RALGAPA2: variants seen among roughly 807,000 people sequenced by gnomAD.
RALGAPA2 encodes the protein Ral GTPase activating protein catalytic subunit alpha 2, also known as ral GTPase-activating protein subunit alpha-2.
A neutral mutation model predicts 230.4 loss-of-function variants in RALGAPA2; 139 were observed. The ratio of observed to expected loss-of-function variants is 0.60; its 90% CI spans 0.53 to 0.69. The LOEUF (loss-of-function observed/expected upper bound fraction) is 0.69. Among genes scored for constraint, RALGAPA2 ranks in the 30% least tolerant of loss-of-function variants. The pLI is 0.00. For missense variants in RALGAPA2, 2,163 were observed against 2,276.0 expected (o/e 0.95, Z 1.01); for synonymous variants, 847 against 837.8 (o/e 1.01, Z -0.19).
chr20:20,390,128 T>C lies in RALGAPA2; in HGVS notation c.*3161A>G, dbSNP rs573871246. The C allele has an allele frequency of 6.6e-6, 1 of 152,302 alleles. No homozygotes were observed. Among genetic ancestry groups the C allele is most frequent in the African/African-American group, 2.4e-5 (1 of 41,558 alleles). The allele number at this position is 152,302 out of a possible 1,614,324, so 9.4% of individuals were successfully genotyped here. A position where few individuals can be genotyped will look rare whatever the true frequency, so the allele number is the denominator to read the frequency against. On this transcript the variant is annotated 3_prime_UTR_variant, in exon 40 of 40. Transcript: ENST00000202677. ...TTAAAGGATTCATCAGACCTCCACA[T>C]GACACCGATACAGCAGGTCCATGGG...
At chr20:20,690,517 C>A (rs2068863302) in intron 1 of RALGAPA2, among the ~76,000 whole-genome samples, 1 of 152,148 alleles carries the variant, frequency 6.6e-6, no homozygotes, top group South Asian at 2.1e-4. Flanking sequence ...CTGACTGTCA[C>A]CCCCACACAG....
Position 20,503,392 on chromosome 20 carries a change from T to C in RALGAPA2, c.5167A>G (p.Thr1723Ala). 1.2e-6 allele frequency: 2 copies of C among 1,603,668 alleles called. No individual in the cohort carries two copies. Among genetic ancestry groups the C allele is most frequent in the South Asian group, 1.1e-5 (1 of 90,186 alleles). ...TCATCTGAGTCTGACGGCATTCGAG[T>C]GGAAACATGGAAAATCACTTCCACA... ...STVEVIFHVS[T>A]RMPSDSDDSL... The change falls in exon 35 of 40, where the codon ACT becomes GCT. Residue 1723 changes from threonine to alanine, a missense_variant. Transcript: ENST00000202677.
At chr20:20,670,567 C>A (rs757349014) in intron 3 of RALGAPA2, among the ~76,000 whole-genome samples, 1 of 151,834 alleles carries the variant, frequency 6.6e-6, no homozygotes, top group Non-Finnish European at 1.5e-5. Flanking sequence ...ATCATCCCCA[C>A]ATCTCCATTT....
intron 21 of RALGAPA2, among the ~76,000 whole-genome samples, chr20:20,572,618 G>A (rs1455249656): frequency 1.3e-5 from 2 of 152,070 alleles, no homozygotes; most frequent in South Asian, 2.1e-4. Context: ...TTTATAAAGA[G>A]AGTAACTAGA....
At chr20:20,459,961 T>A (rs2061263492) in intron 37 of RALGAPA2, among the ~76,000 whole-genome samples, 1 of 152,204 alleles carries the variant, frequency 6.6e-6, no homozygotes, top group Non-Finnish European at 1.5e-5. Context: ...ATAGGCTGCA[T>A]CCTACCCTAT....
chr20:20,401,359 T>C (rs951380121), intron 38 of RALGAPA2, among the ~76,000 whole-genome samples: 22 of 152,254 alleles, frequency 1.4e-4, no homozygotes, highest in African/African-American at 4.8e-4. Context: ...TGAGGTTCTG[T>C]AGATGCCACC....
intron 10 of RALGAPA2, among the ~76,000 whole-genome samples, chr20:20,622,135 T>A (rs1162921876): frequency 6.6e-6 from 1 of 151,512 alleles, no homozygotes; most frequent in Non-Finnish European, 1.5e-5. Context: ...AAGAGAAAAC[T>A]GGAAGAAAAA....
intron 23 of RALGAPA2, among the ~76,000 whole-genome samples, chr20:20,560,955 A>G (rs2064239542): frequency 6.6e-6 from 1 of 152,156 alleles, no homozygotes; most frequent in African/African-American, 2.4e-5. Context: ...GTCATCAGAA[A>G]CCCGTTTCAT....
At chr20:20,549,152 A>G (rs1282641290) in intron 23 of RALGAPA2, among the ~76,000 whole-genome samples, 1 of 152,202 alleles carries the variant, frequency 6.6e-6, no homozygotes, top group Non-Finnish European at 1.5e-5. Context: ...TTTCTAGGCT[A>G]AATTTATGGG....
At chr20:20,484,386 T>C (rs1303705434) in intron 36 of RALGAPA2, among the ~76,000 whole-genome samples, 1 of 152,098 alleles carries the variant, frequency 6.6e-6, no homozygotes, top group African/African-American at 2.4e-5. Context: ...CATAACTCCA[T>C]GGAACTCCAT....
chr20:20,509,718 A>G (rs1198656848), intron 33 of RALGAPA2, among the ~76,000 whole-genome samples: 1 of 152,224 alleles, frequency 6.6e-6, no homozygotes, highest in Non-Finnish European at 1.5e-5. Context: ...AATGAAAAGA[A>G]AAGAAAACTT....
chr20:20,709,214 G>T (rs558769171), intron 1 of RALGAPA2, among the ~76,000 whole-genome samples: 2 of 152,230 alleles, frequency 1.3e-5, no homozygotes, highest in East Asian at 3.9e-4. Flanking sequence ...AGCCACTCAG[G>T]AGGCTGAGGC....
chr20:20,610,672 A>G (rs897450047), intron 14 of RALGAPA2, among the ~76,000 whole-genome samples: 1 of 152,146 alleles, frequency 6.6e-6, no homozygotes, highest in Non-Finnish European at 1.5e-5. Context: ...TTCCACAGCA[A>G]GAACTCTGCA....
intron 33 of RALGAPA2, among the ~76,000 whole-genome samples, chr20:20,509,475 G>C (rs574789779): frequency 6.6e-6 from 1 of 152,248 alleles, no homozygotes; most frequent in South Asian, 2.1e-4. Context: ...CTGCATATTT[G>C]ATACTGAAAT....
Position 20,536,680 on chromosome 20 carries a change from G to A in RALGAPA2, c.3390C>T (p.Ala1130=). Residue 1130 remains alanine, a synonymous_variant, in exon 25 of 40, where the codon GCC becomes GCT. Transcript: ENST00000202677. ...LLQSVPEVNE[A]ITGTEDVKHY... ...CCTTGACATCTTCAGTTCCTGTAAT[G>A]GCCTCATTTACTTCTGGCACTGACT... The A allele has an allele frequency of 1.2e-6, 2 of 1,612,742 alleles. No homozygotes were observed. The highest frequency in any genetic ancestry group is 1.7e-6 in the Non-Finnish European group (2 of 1,179,042).
At chr20:20,630,149 C>T (rs1322856900) in intron 9 of RALGAPA2, among the ~76,000 whole-genome samples, 1 of 152,134 alleles carries the variant, frequency 6.6e-6, no homozygotes, top group Non-Finnish European at 1.5e-5. Context: ...TAAATATTCA[C>T]AAAATTTTAA....
rs546792310 is a variant in RALGAPA2 at position 20,450,160 on chromosome 20, C to A, written c.5495+22669G>T. ...CTTGCTAGCAAAAAGACAGAAAAAT[C>A]ACTGTGATGGAACTGCGTCCTCAAC... is the stretch of plus-strand genomic sequence containing the variant. On this transcript the variant is annotated intron_variant, in intron 37 of 39. Coordinates refer to ENST00000202677, the MANE Select transcript of RALGAPA2 (RefSeq NM_020343.4). Among the ~76,000 whole-genome samples, 4 of 152,286 alleles carry A rather than the reference C, an allele frequency of 2.6e-5. No individual in the cohort carries two copies. In the South Asian group the frequency reaches 8.3e-4, roughly 32 times the overall value.
chr20:20,408,630 G>A (rs903588212), intron 38 of RALGAPA2, among the ~76,000 whole-genome samples: 22 of 152,194 alleles, frequency 1.4e-4, no homozygotes, highest in Non-Finnish European at 2.9e-4. Flanking sequence ...CCCAGCAGTC[G>A]AGGGTGCCCA....
chr20:20,699,682 A>G (rs968796674), intron 1 of RALGAPA2, among the ~76,000 whole-genome samples: 1 of 152,232 alleles, frequency 6.6e-6, no homozygotes, highest in African/African-American at 2.4e-5. Flanking sequence ...AAGACATACA[A>G]GCGGCCAACA....
Sources: gnomAD v4.1 joint callset for allele counts (sites outside exome capture counted in the v4.1 genomes callset) on GRCh38, gnomAD v4.1.1 for gene constraint, MANE v1.5 for transcripts, NCBI Gene and HGNC (gene_info 2026-07-23, HGNC 2026-07-21) for gene names.